TMPRSS12: variants seen among roughly 807,000 people sequenced by gnomAD.
TMPRSS12 encodes the protein transmembrane serine protease 12.
Under a neutral mutation model 26.0 loss-of-function variants are expected in TMPRSS12, and 25 were observed. The ratio of observed to expected loss-of-function variants is 0.96; its 90% CI spans 0.70 to 1.34. The LOEUF (loss-of-function observed/expected upper bound fraction) is 1.34. Among genes scored for constraint, TMPRSS12 ranks in the 40% most tolerant of loss-of-function variants. The pLI, the probability that TMPRSS12 is intolerant of heterozygous loss-of-function variation, is 0.00. For missense variants in TMPRSS12, 441 were observed against 440.1 expected, an observed-to-expected ratio of 1.00 and a Z score of -0.02; for synonymous variants, 150 against 161.7, an observed-to-expected ratio of 0.93 and a Z score of 0.55.
chr12:50,887,633 A>C lies in TMPRSS12; in HGVS notation c.*120A>C. 1 of 1,278,670 alleles carries C rather than the reference A, an allele frequency of 7.8e-7. No homozygotes were observed. Among genetic ancestry groups the C allele is most frequent in the Non-Finnish European group, 1.1e-6 (1 of 935,226 alleles). The allele number at this position is 1,278,670 out of a possible 1,614,324, so 79.2% of individuals were successfully genotyped here. On this transcript the variant is annotated 3_prime_UTR_variant, in exon 5 of 5. Transcript: ENST00000398458. ...CCTACATTAGAGATTTCATGTGAAC[A>C]TTTTATGGGCTATAAGTATTGTGAC...
intron 2 of TMPRSS12, among the ~76,000 whole-genome samples, chr12:50,856,233 T>A (rs1358791006): frequency 6.6e-6 from 1 of 152,132 alleles, no homozygotes; most frequent in East Asian, 1.9e-4. Flanking sequence ...TAAAAGTGTT[T>A]GGCACCTCCC....
At chr12:50,878,530 A>T (rs1030364306) in intron 3 of TMPRSS12, among the ~76,000 whole-genome samples, 3 of 152,162 alleles carry the variant, frequency 2.0e-5, no homozygotes, top group Non-Finnish European at 4.4e-5. Context: ...GTGAGCCATG[A>T]TCATGTCACT....
intron 3 of TMPRSS12, among the ~76,000 whole-genome samples, chr12:50,874,535 CA>C (rs1201895649): frequency 6.6e-6 from 1 of 151,954 alleles, no homozygotes; most frequent in African/African-American, 2.4e-5. Flanking sequence ...TAAAAATTCT[CA>C]AAAGAAATAG....
At chr12:50,848,382 T>C (rs1317843622) in intron 2 of TMPRSS12, 2 of 152,196 alleles carry the variant, frequency 1.3e-5, no homozygotes, top group Admixed American at 1.3e-4. Flanking sequence ...GTCATGGTCT[T>C]TACTCCTTTT....
chr12:50,878,201 A>G (rs768714080), intron 3 of TMPRSS12, among the ~76,000 whole-genome samples: 104 of 47,976 alleles, frequency 2.2e-3, no homozygotes, highest in Non-Finnish European at 2.6e-3. Context: ...TATTTTGGGG[A>G]AAAAAAAAAA....
intron 3 of TMPRSS12, among the ~76,000 whole-genome samples, chr12:50,875,646 T>C (rs1938106982): frequency 6.6e-6 from 1 of 151,972 alleles, no homozygotes; most frequent in Admixed American, 6.6e-5. Flanking sequence ...ACAAAGACAA[T>C]GGGCAAAGAA....
At chr12:50,875,272 T>C (rs1938101952) in intron 3 of TMPRSS12, among the ~76,000 whole-genome samples, 1 of 151,942 alleles carries the variant, frequency 6.6e-6, no homozygotes, top group Admixed American at 6.6e-5. Context: ...GGCGGATCAC[T>C]TGTGGTCAGG....
intron 2 of TMPRSS12, among the ~76,000 whole-genome samples, chr12:50,847,107 G>C (rs979663599): frequency 1.6e-4 from 22 of 134,898 alleles, no homozygotes; most frequent in African/African-American, 6.1e-4. Context: ...TGCCCAGGCT[G>C]GAGTGCAGTG....
At chr12:50,864,782 T>A in intron 3 of TMPRSS12, among the ~76,000 whole-genome samples, 1 of 151,998 alleles carries the variant, frequency 6.6e-6, no homozygotes, top group African/African-American at 2.4e-5. Context: ...CTCAGCCTCC[T>A]GAGTAGCTGG....
intron 3 of TMPRSS12, among the ~76,000 whole-genome samples, chr12:50,884,429 T>G (rs1038979208): frequency 6.6e-5 from 10 of 152,168 alleles, no homozygotes; most frequent in African/African-American, 2.4e-4. Flanking sequence ...TCTACTCCAT[T>G]TCTATACACT....
intron 3 of TMPRSS12, among the ~76,000 whole-genome samples, chr12:50,866,552 T>A (rs1937992818): frequency 6.7e-6 from 1 of 148,926 alleles, no homozygotes; most frequent in Admixed American, 6.7e-5. Flanking sequence ...CCCACCCTGG[T>A]TGCTGAAGAC....
Position 50,843,040 on chromosome 12 carries a change from T to C in TMPRSS12, c.76T>C (p.Ser26Pro), listed in dbSNP as rs1456583488. 4 of 1,605,310 alleles carry C rather than the reference T, an allele frequency of 2.5e-6. No homozygotes were observed. Among genetic ancestry groups the C allele is most frequent in the Non-Finnish European group, 3.4e-6 (4 of 1,176,178 alleles). The change falls in exon 1 of 5, where the codon TCT becomes CCT. Residue 26 changes from serine to proline, a missense_variant. By Grantham distance (74) the Ser-to-Pro change is moderately conservative. Transcript: ENST00000398458. Reference protein sequence around the residue: ...SHLYSDHYSPSGRHRLGPSPE... With the variant: ...SHLYSDHYSPPGRHRLGPSPE... ...CTTATACTCAGACCACTACTCGCCC[T>C]CTGGAAGGCACAGGCTCGGCCCCTC...
At chr12:50,879,837 G>T (rs868461298) in intron 3 of TMPRSS12, among the ~76,000 whole-genome samples, 1 of 151,984 alleles carries the variant, frequency 6.6e-6, no homozygotes, top group East Asian at 1.9e-4. Flanking sequence ...GGGCATGGTG[G>T]TATATGCCTG....
At chr12:50,874,889 A>C (rs889260196) in intron 3 of TMPRSS12, among the ~76,000 whole-genome samples, 1 of 152,230 alleles carries the variant, frequency 6.6e-6, no homozygotes, top group African/African-American at 2.4e-5. Flanking sequence ...AAGGAGGCGA[A>C]AGATCTCTAC....
rs115333957 is a variant in TMPRSS12, at chr12:50,852,247, A to C, written c.384-6538A>C. 1.7e-3 allele frequency among the ~76,000 whole-genome samples: 262 copies of C among 152,328 alleles called. 5 individuals carry two copies. Among genetic ancestry groups the C allele is most frequent in the African/African-American group, 6.0e-3 (248 of 41,574 alleles). ...CCCCATTTATAAGGCACAGAGTGGC[A>C]AGTTGGATAAAAAACAAGACCCACC... On this transcript the variant is annotated intron_variant, in intron 2 of 4. Transcript: ENST00000398458.
intron 2 of TMPRSS12, among the ~76,000 whole-genome samples, chr12:50,849,165 A>G (rs1477314944): frequency 6.6e-6 from 1 of 152,122 alleles, no homozygotes; most frequent in East Asian, 1.9e-4. Context: ...ACAGCCACCA[A>G]TGGATATTTT....
intron 2 of TMPRSS12, among the ~76,000 whole-genome samples, chr12:50,855,676 A>G (rs1347156661): frequency 2.0e-5 from 3 of 152,254 alleles, no homozygotes; most frequent in East Asian, 1.9e-4. Flanking sequence ...AAACAGAGCT[A>G]TTGTTTGACC....
At chr12:50,852,622 G>T (rs1352834425) in intron 2 of TMPRSS12, among the ~76,000 whole-genome samples, 1 of 151,874 alleles carries the variant, frequency 6.6e-6, no homozygotes, top group Non-Finnish European at 1.5e-5. Flanking sequence ...TCTTGATCAG[G>T]TTCGTCTTGA....
At chr12:50,844,164 T>G in intron 2 of TMPRSS12, 127 bp downstream of exon 2, 1 of 591,498 alleles carries the variant, frequency 1.7e-6, no homozygotes, top group Non-Finnish European at 2.6e-6. Context: ...TTATATATAG[T>G]ACAGTGTATT....
Sources: gnomAD v4.1 joint callset for allele counts (sites outside exome capture counted in the v4.1 genomes callset) on GRCh38, gnomAD v4.1.1 for gene constraint, MANE v1.5 for transcripts, NCBI Gene and HGNC (gene_info 2026-07-23, HGNC 2026-07-21) for gene names.